KL: variants seen among roughly 807,000 people sequenced by gnomAD.
KL encodes alpha-klotho.
KL carries 62 observed loss-of-function variants against 84.2 expected under a neutral mutation model. That is an observed-to-expected ratio of 0.74 (90% CI 0.60 to 0.91). The LOEUF (loss-of-function observed/expected upper bound fraction) is 0.91. KL is among the 40% of genes least tolerant of loss of function. The pLI, the probability that KL is intolerant of heterozygous loss-of-function variation, is 0.00. For missense variants in KL, 1,261 were observed against 1,305.7 expected, an observed-to-expected ratio of 0.97 and a Z score of 0.53; for synonymous variants, 528 against 528.0, an observed-to-expected ratio of 1.00 and a Z score of 0.00.
At chr13:33,021,799 G>A (rs920470127) in intron 1 of KL, among the ~76,000 whole-genome samples, 3 of 152,286 alleles carry the variant, frequency 2.0e-5, no homozygotes, top group Middle Eastern at 3.4e-3. Flanking sequence ...CAGGAGAATC[G>A]TTTGAACATG....
intron 1 of KL, among the ~76,000 whole-genome samples, chr13:33,046,104 T>C (rs1418640540): frequency 1.3e-5 from 2 of 152,240 alleles, no homozygotes; most frequent in Admixed American, 6.5e-5. Flanking sequence ...TCTGTAACTA[T>C]TATTTTCTTG....
At chr13:33,056,807 T>TA (rs975263583) in intron 3 of KL, among the ~76,000 whole-genome samples, 18 of 147,252 alleles carry the variant, frequency 1.2e-4, no homozygotes, top group Admixed American at 2.7e-4. Context: ...GTCCGTCTCT[T>TA]AAAAAAAAAA....
At chr13:33,026,446 T>TGGG (rs56064101) in intron 1 of KL, among the ~76,000 whole-genome samples, 18 of 151,188 alleles carry the variant, frequency 1.2e-4, no homozygotes, top group African/African-American at 3.9e-4. Context: ...AAGAATGGGG[T>TGGG]GGGGGGGTCA....
chr13:33,046,562 C>T (rs554436091), intron 1 of KL, among the ~76,000 whole-genome samples: 2 of 151,820 alleles, frequency 1.3e-5, no homozygotes, highest in African/African-American at 2.4e-5. Context: ...AAAGGTTGGT[C>T]TGTTTTGTTG....
intron 1 of KL, among the ~76,000 whole-genome samples, chr13:33,050,976 C>T (rs2138228095): frequency 6.6e-6 from 1 of 152,318 alleles, no homozygotes; most frequent in South Asian, 2.1e-4. Flanking sequence ...CTCTTCTACT[C>T]CAAACCCCAA....
At chr13:33,029,892 C>G (rs1870912458) in intron 1 of KL, among the ~76,000 whole-genome samples, 1 of 151,944 alleles carries the variant, frequency 6.6e-6, no homozygotes, top group African/African-American at 2.4e-5. Context: ...CTCGGCCTCC[C>G]AAAGTGCTGG....
intron 1 of KL, among the ~76,000 whole-genome samples, chr13:33,037,358 A>G (rs1871175638): frequency 6.6e-6 from 1 of 152,216 alleles, no homozygotes; most frequent in Admixed American, 6.5e-5. Flanking sequence ...TTGAACCTGT[A>G]GATCCAGCCA....
At chr13:33,039,600 G>A (rs1871264889) in intron 1 of KL, among the ~76,000 whole-genome samples, 1 of 152,128 alleles carries the variant, frequency 6.6e-6, no homozygotes, top group Admixed American at 6.6e-5. Context: ...GATGGGAATT[G>A]AGCCAAATTT....
chr13:33,031,217 T>C (rs1870959533), intron 1 of KL, among the ~76,000 whole-genome samples: 1 of 152,152 alleles, frequency 6.6e-6, no homozygotes, highest in African/African-American at 2.4e-5. Context: ...AAAATTGTAG[T>C]AAATACATAG....
At chr13:33,043,074 T>G (rs1426146353) in intron 1 of KL, among the ~76,000 whole-genome samples, 1 of 152,210 alleles carries the variant, frequency 6.6e-6, no homozygotes, top group Non-Finnish European at 1.5e-5. Context: ...GGTAAATACC[T>G]AGGTATGAAC....
intron 4 of KL, 100 bp from the exon 5 acceptor site, chr13:33,063,749 C>A (rs540398691): frequency 2.9e-4 from 306 of 1,065,686 alleles, no homozygotes; most frequent in Non-Finnish European, 4.1e-4. Context: ...TGCACTCCAG[C>A]CTGTGTGACA....
At chr13:33,020,716 C>T (rs1870545647) in intron 1 of KL, among the ~76,000 whole-genome samples, 1 of 152,162 alleles carries the variant, frequency 6.6e-6, no homozygotes, top group African/African-American at 2.4e-5. Context: ...AATCAAACCA[C>T]TTCTCCCCTT....
At chr13:33,045,536 A>G (rs753870613) in intron 1 of KL, among the ~76,000 whole-genome samples, 2 of 152,138 alleles carry the variant, frequency 1.3e-5, no homozygotes, top group African/African-American at 2.4e-5. Context: ...GCTGGAGTGC[A>G]GTGGCGTGAT....
At chr13:33,031,977 G>A (rs535663) in intron 1 of KL, among the ~76,000 whole-genome samples, 2,777 of 152,112 alleles carry the variant, frequency 0.018, 54 homozygotes, top group Non-Finnish European at 0.029. Flanking sequence ...GAGTTTAGCT[G>A]ACTTTCCTGT....
At position 33,061,705 on chromosome 13, in the gene KL, G is replaced by C; in HGVS notation, c.2626G>C (p.Asp876His). Residue 876 changes from aspartate (D) to histidine (H), a missense_variant, in exon 4 of 5, where the codon GAT becomes CAT. Transcript: ENST00000380099. ...CATGTACATAATATCCAATGGAATC[G>C]ATGACGGGCTGCATGCTGAGGACGA... ...LPMYIISNGIDDGLHAEDDQL... is the reference protein window; with the variant it reads ...LPMYIISNGIHDGLHAEDDQL... 1 of 1,613,874 alleles carries C rather than the reference G, an allele frequency of 6.2e-7. No individual in the cohort carries two copies. Among genetic ancestry groups the C allele is most frequent in the Non-Finnish European group, 8.5e-7 (1 of 1,179,792 alleles).
chr13:33,050,138 T>C (rs1871688864), intron 1 of KL, among the ~76,000 whole-genome samples: 1 of 152,226 alleles, frequency 6.6e-6, no homozygotes, highest in Non-Finnish European at 1.5e-5. Context: ...ATATTAGACA[T>C]TTCAATTGTT....
chr13:33,043,039 G>A lies in KL; in HGVS notation c.820-10728G>A, dbSNP rs540950909. Among the ~76,000 whole-genome samples, 415 of 152,172 alleles carry A rather than the reference G, an allele frequency of 2.7e-3. 3 individuals carry two copies. The highest frequency in any genetic ancestry group is 9.6e-3 in the African/African-American group (397 of 41,506). On this transcript the variant is annotated intron_variant, in intron 1 of 4. Coordinates refer to ENST00000380099, the MANE Select transcript of KL (RefSeq NM_004795.4). ...ATCTTAATATTGTACAAGTCTTTTG[G>A]GGGGCTTATGTTGTCATTTCTCTTG...
intron 1 of KL, among the ~76,000 whole-genome samples, chr13:33,047,981 T>G (rs1172857145): frequency 6.6e-6 from 1 of 152,172 alleles, no homozygotes; most frequent in East Asian, 1.9e-4. Flanking sequence ...TTTCTTCAGT[T>G]GTTGTTTCTC....
At chr13:33,040,482 G>A (rs1311780401) in intron 1 of KL, among the ~76,000 whole-genome samples, 2 of 152,120 alleles carry the variant, frequency 1.3e-5, no homozygotes, top group Non-Finnish European at 2.9e-5. Context: ...CAGAACTAAA[G>A]TAACATCTGG....
Sources: allele counts gnomAD v4.1 joint callset (sites outside exome capture counted in the v4.1 genomes callset), GRCh38; gene constraint gnomAD v4.1.1; transcripts MANE v1.5; gene names NCBI Gene and HGNC (gene_info 2026-07-23, HGNC 2026-07-21).